Variants in LARGE1 observed in about 807,000 individuals in gnomAD.
The protein encoded by LARGE1 is xylosyl- and glucuronyltransferase LARGE1.
Under a neutral mutation model 87.6 loss-of-function variants are expected in LARGE1, and 43 were observed. That is an observed-to-expected ratio of 0.49 (90% confidence interval 0.38 to 0.63). LARGE1 has a LOEUF of 0.63. LARGE1 is among the 30% of genes least tolerant of loss of function. The pLI is 0.00. For missense variants in LARGE1, 802 were observed against 1,000.2 expected (o/e 0.80, Z 2.67); for synonymous variants, 434 against 394.6 (o/e 1.10, Z -1.18).
At chr22:33,205,668 A>G (rs574061417) in intron 11 of LARGE1, among the ~76,000 whole-genome samples, 1 of 152,362 alleles carries the variant, frequency 6.6e-6, no homozygotes, top group African/African-American at 2.4e-5. Context: ...TCAAGTTTCC[A>G]GCAAAAAAAT....
chr22:33,079,000 A>G, the LARGE1 span, among the ~76,000 whole-genome samples: 21 of 152,288 alleles, frequency 1.4e-4, no homozygotes, highest in South Asian at 4.4e-3. Context: ...AACTACAAGC[A>G]TGGATGCTGG....
At chr22:33,267,664 A>G (rs569040223), downstream of LARGE1, among the ~76,000 whole-genome samples, 42 of 151,306 alleles carry the variant, frequency 2.8e-4, no homozygotes, top group African/African-American at 9.8e-4. Context: ...GAGACTTCTA[A>G]GTGGAGCTTT....
chr22:33,825,149 T>C (rs986077488), intron 1 of LARGE1, among the ~76,000 whole-genome samples: 1 of 152,226 alleles, frequency 6.6e-6, no homozygotes, highest in Admixed American at 6.5e-5. Context: ...CTGCAGAGAA[T>C]GCTGGCTTCT....
intron 2 of LARGE1, among the ~76,000 whole-genome samples, chr22:33,670,038 A>G (rs1395245001): frequency 1.3e-5 from 2 of 152,156 alleles, no homozygotes; most frequent in Admixed American, 1.3e-4. Flanking sequence ...CAAGGTCAGG[A>G]TTTTACAAAA....
At chr22:33,186,643 C>T (rs1923491893) in intron 11 of LARGE1, among the ~76,000 whole-genome samples, 1 of 151,884 alleles carries the variant, frequency 6.6e-6, no homozygotes, top group Non-Finnish European at 1.5e-5. Context: ...GGAGTCCTAG[C>T]CAGTGGAATA....
rs1251608511 is a variant in LARGE1 at position 33,541,050 on chromosome 22, GTT to G, written c.787+23796_787+23797del. ...CTACTCATGGTGGCTGGGGTGGTGG[GTT>G]GCGGGGGGGGGGGGGCGGGGGGCGG... is the stretch of plus-strand genomic sequence containing the variant. On this transcript the variant is annotated intron_variant, in intron 6 of 14. Transcript: ENST00000397394. Among the ~76,000 whole-genome samples the G allele has an allele frequency of 1.4e-3, 109 of 79,230 alleles. 9 individuals are homozygous for G. The highest frequency in any genetic ancestry group is 2.3e-3 in the Non-Finnish European group (89 of 39,016). 52.0% of individuals were successfully genotyped at this position (79,230 alleles called of 152,430 possible).
In LARGE1 at chr22:33,886,656, C is replaced by CAAAAA. The variant is rs869173776; in HGVS notation, c.-83+33334_-83+33338dup. On this transcript the variant is annotated intron_variant, in intron 1 of 14. Transcript: ENST00000397394. ...CCTGGACAACAGAGTGAGATTCTGC[C>CAAAAA]AAAAAAAAAAAAAAAAAAGAAAAAA... 2.0e-4 allele frequency among the ~76,000 whole-genome samples: 7 copies of CAAAAA among 34,570 alleles called. 1 individual carries two copies. The highest frequency in any genetic ancestry group is 9.8e-4 in the Admixed American group (2 of 2,044). The allele number at this position is 34,570 out of a possible 152,430, so 22.7% of individuals were successfully genotyped here. A position where few individuals can be genotyped will look rare whatever the true frequency, so the allele number is the denominator to read the frequency against.
chr22:33,487,104 G>A (rs988219661), intron 6 of LARGE1, among the ~76,000 whole-genome samples: 15 of 152,064 alleles, frequency 9.9e-5, no homozygotes, highest in African/African-American at 3.1e-4. Flanking sequence ...CAAGCTTCCC[G>A]CCCCAACAAA....
At chr22:33,121,022 A>G in the LARGE1 span, among the ~76,000 whole-genome samples, 1 of 151,964 alleles carries the variant, frequency 6.6e-6, no homozygotes, top group South Asian at 2.1e-4. Context: ...AAAACCTGAC[A>G]TAGTTTAAGG....
intron 11 of LARGE1, among the ~76,000 whole-genome samples, chr22:33,218,606 AC>A (rs1462374933): frequency 3.3e-5 from 5 of 152,184 alleles, no homozygotes; most frequent in African/African-American, 1.2e-4. Context: ...AGAATTCATA[AC>A]TAAGAGCTAA....
chr22:33,239,535 C>CTTT lies in LARGE1; in HGVS notation c.1730+64691_1730+64693dup, dbSNP rs71187254. 5.4e-3 allele frequency among the ~76,000 whole-genome samples: 514 copies of CTTT among 95,272 alleles called. 14 individuals carry two copies. Among genetic ancestry groups the CTTT allele is most frequent in the Middle Eastern group, 0.026 (3 of 116 alleles). 62.5% of individuals were successfully genotyped at this position (95,272 alleles called of 152,430 possible). A position where few individuals can be genotyped will look rare whatever the true frequency, so the allele number is the denominator to read the frequency against. ...GCCTTACTATTTCTTTTTTTCTTTT[C>CTTT]TTTTTTTTTTTTTTTTTTTTTGAGA... On this transcript the variant is annotated intron_variant, in intron 11 of 11. Transcript: ENST00000608642.
chr22:33,818,930 T>C (rs1447259713), intron 1 of LARGE1, among the ~76,000 whole-genome samples: 1 of 152,244 alleles, frequency 6.6e-6, no homozygotes, highest in African/African-American at 2.4e-5. Context: ...TCTCCACAAC[T>C]AGATTCTGAT....
intron 10 of LARGE1, among the ~76,000 whole-genome samples, chr22:33,329,877 A>G (rs1215580580): frequency 6.6e-6 from 1 of 152,126 alleles, no homozygotes; most frequent in African/African-American, 2.4e-5. Flanking sequence ...TACAAATACA[A>G]TACTTAGGGA....
At chr22:33,693,454 T>C (rs1451831881) in intron 2 of LARGE1, among the ~76,000 whole-genome samples, 1 of 151,104 alleles carries the variant, frequency 6.6e-6, no homozygotes, top group African/African-American at 2.4e-5. Flanking sequence ...GGAAGGGAGA[T>C]GTTAGGAAAG....
At chr22:33,137,533 T>G in the LARGE1 span, among the ~76,000 whole-genome samples, 1 of 152,090 alleles carries the variant, frequency 6.6e-6, no homozygotes, top group Non-Finnish European at 1.5e-5. Context: ...GCTGCAGAAA[T>G]TTGCATATGT....
intron 1 of LARGE1, among the ~76,000 whole-genome samples, chr22:33,866,121 G>A (rs535597775): frequency 2.0e-5 from 3 of 151,776 alleles, no homozygotes; most frequent in African/African-American, 7.3e-5. Flanking sequence ...CTCAGCTCTG[G>A]GTAGGCCCAG....
At chr22:33,324,589 C>T (rs2146402102) in intron 10 of LARGE1, among the ~76,000 whole-genome samples, 1 of 152,304 alleles carries the variant, frequency 6.6e-6, no homozygotes, top group Non-Finnish European at 1.5e-5. Context: ...GGGAAAATGG[C>T]CCGTTAGGCA....
At chr22:33,231,955 T>G (rs1393700151) in intron 11 of LARGE1, among the ~76,000 whole-genome samples, 1 of 152,220 alleles carries the variant, frequency 6.6e-6, no homozygotes, top group Admixed American at 6.5e-5. Flanking sequence ...TTAAAGGTAT[T>G]ATTTCTAATC....
At chr22:33,198,206 C>T (rs1402598354) in intron 11 of LARGE1, among the ~76,000 whole-genome samples, 8 of 152,056 alleles carry the variant, frequency 5.3e-5, no homozygotes, top group South Asian at 2.1e-4. Context: ...ATAACAAGTA[C>T]AACGTATTAA....
Sources: gnomAD v4.1 joint callset for allele counts (sites outside exome capture counted in the v4.1 genomes callset) on GRCh38, gnomAD v4.1.1 for gene constraint, MANE v1.5 for transcripts, NCBI Gene and HGNC (gene_info 2026-07-23, HGNC 2026-07-21) for gene names.